The following LAMA2 variants were observed in gnomAD, a reference collection of about 807,000 sequenced individuals.
LAMA2 encodes laminin subunit alpha 2, also known as laminin subunit alpha-2.
Under a neutral mutation model 364.8 loss-of-function variants are expected in LAMA2, and 269 were observed. The ratio of observed to expected loss-of-function variants is 0.74; its 90% CI spans 0.67 to 0.82. The LOEUF (loss-of-function observed/expected upper bound fraction) is 0.82. Ranked by LOEUF, LAMA2 falls within the 40% of genes least tolerant of loss-of-function variation. The pLI is 0.00. For missense variants in LAMA2, 3,807 were observed against 3,873.2 expected, an observed-to-expected ratio of 0.98 and a Z score of 0.45; for synonymous variants, 1,379 against 1,370.6, an observed-to-expected ratio of 1.01 and a Z score of -0.14.
At chr6:128,977,108 A>G (rs1297892541) in intron 1 of LAMA2, among the ~76,000 whole-genome samples, 1 of 146,732 alleles carries the variant, frequency 6.8e-6, no homozygotes, top group Non-Finnish European at 1.5e-5. Context: ...AGAACTTCGC[A>G]TTGCTACATT....
At chr6:129,047,150 T>C (rs1787574216) in intron 1 of LAMA2, among the ~76,000 whole-genome samples, 1 of 152,048 alleles carries the variant, frequency 6.6e-6, no homozygotes, top group African/African-American at 2.4e-5. Flanking sequence ...CGTCACAAAA[T>C]TGTTAGGAAG....
In LAMA2 at chr6:129,441,038, C is replaced by T. The variant is rs752489693; in HGVS notation, c.6268+40C>T. On this transcript the variant is annotated intron_variant, in intron 43 of 64. Transcript: ENST00000421865. ...TTCATTGTGATGATGTCATTTATTT[C>T]CTCTCACTGTAAAAGTATCCCAGAC... 8 of 1,545,624 alleles carry T rather than the reference C, an allele frequency of 5.2e-6. No homozygotes were observed. In the South Asian group the frequency reaches 7.8e-5, roughly 15 times the overall value.
intron 1 of LAMA2, among the ~76,000 whole-genome samples, chr6:128,970,380 A>G (rs965995076): frequency 6.6e-6 from 1 of 152,182 alleles, no homozygotes; most frequent in African/African-American, 2.4e-5. Flanking sequence ...GTCACTTTTA[A>G]TAATTTTGTT....
At position 129,450,092 on chromosome 6, in the gene LAMA2, C is replaced by T. The variant is rs77432719; in HGVS notation, c.6430-2896C>T. Reference sequence around the variant, plus strand: ...GTTCTGGGATTACAGGCGTGAGCCACTGCACCCGGCTCTGTCTGTTACACT... The same window carrying T: ...GTTCTGGGATTACAGGCGTGAGCCATTGCACCCGGCTCTGTCTGTTACACT... On this transcript the variant is annotated intron_variant, in intron 45 of 64. Transcript: ENST00000421865. Among the ~76,000 whole-genome samples the T allele has an allele frequency of 0.014, 2,122 of 151,788 alleles. 113 individuals are homozygous for T. The East Asian group carries it at 0.19, about 13-fold the overall frequency.
At chr6:128,896,191 T>G (rs2114399859) in intron 1 of LAMA2, among the ~76,000 whole-genome samples, 1 of 152,210 alleles carries the variant, frequency 6.6e-6, no homozygotes, top group African/African-American at 2.4e-5. Context: ...ATGACTAAAT[T>G]TTTGAGGTTT....
rs952009364 is a variant in LAMA2 at position 129,453,187 on chromosome 6, A to C, written c.6573+56A>C. On this transcript the variant is annotated intron_variant, in intron 46 of 64. Coordinates refer to ENST00000421865, the MANE Select transcript of LAMA2 (RefSeq NM_000426.4). ...TGCTGTATGTGTATAGCTAGAGGTTAATCTGAAAATGTATAGAATCCCCAA... is the reference window on the plus strand; with the variant it reads ...TGCTGTATGTGTATAGCTAGAGGTTCATCTGAAAATGTATAGAATCCCCAA... 1.1e-5 allele frequency: 17 copies of C among 1,495,276 alleles called. No individual in the cohort carries two copies. The African/African-American group carries it at 2.3e-4, about 21-fold the overall frequency. The allele number at this position is 1,495,276 out of a possible 1,614,324, so 92.6% of individuals were successfully genotyped here.
chr6:129,308,080 C>T (rs1773989613), intron 22 of LAMA2, among the ~76,000 whole-genome samples: 1 of 152,154 alleles, frequency 6.6e-6, no homozygotes, highest in African/African-American at 2.4e-5. Flanking sequence ...GATGATTCTT[C>T]AAGGAAGTTC....
intron 1 of LAMA2, among the ~76,000 whole-genome samples, chr6:128,937,149 A>G (rs1027549100): frequency 6.6e-6 from 1 of 152,220 alleles, no homozygotes; most frequent in Non-Finnish European, 1.5e-5. Flanking sequence ...AGCATAAGTG[A>G]GAATACTATA....
intron 12 of LAMA2, among the ~76,000 whole-genome samples, chr6:129,222,263 T>C (rs1270104521): frequency 6.6e-6 from 1 of 152,120 alleles, no homozygotes; most frequent in Non-Finnish European, 1.5e-5. Context: ...AGTCTTCTCA[T>C]CTTTAAAATG....
At chr6:129,373,274 A>T (rs987504377) in intron 34 of LAMA2, among the ~76,000 whole-genome samples, 55 of 152,226 alleles carry the variant, frequency 3.6e-4, no homozygotes, top group African/African-American at 1.3e-3. Flanking sequence ...TGCATTTTAC[A>T]CTTAGGTCTA....
chr6:129,212,344 A>G (rs973679477), intron 12 of LAMA2, among the ~76,000 whole-genome samples: 2 of 152,186 alleles, frequency 1.3e-5, no homozygotes, highest in Non-Finnish European at 2.9e-5. Flanking sequence ...TTTGTGTGAG[A>G]TGGTTTTCAC....
At chr6:129,051,877 A>C (rs898587815) in intron 2 of LAMA2, among the ~76,000 whole-genome samples, 14 of 151,874 alleles carry the variant, frequency 9.2e-5, no homozygotes, top group Non-Finnish European at 1.8e-4. Flanking sequence ...GCCCAGGGGC[A>C]TGAACGGAGT....
chr6:128,916,861 T>C (rs1276702473), intron 1 of LAMA2, among the ~76,000 whole-genome samples: 2 of 152,180 alleles, frequency 1.3e-5, no homozygotes, highest in Admixed American at 6.5e-5. Flanking sequence ...TTTCCACTGT[T>C]TTAACTGGAA....
At position 129,252,263 on chromosome 6, in the gene LAMA2, C is replaced by A; in HGVS notation, c.2064C>A (p.Ile688=). Residue 688 remains isoleucine (I), a synonymous_variant, in exon 14 of 65, where the codon ATC becomes ATA. Coordinates refer to ENST00000421865, the MANE Select transcript of LAMA2 (RefSeq NM_000426.4). Reference sequence around the variant, plus strand: ...ATTTGAAGAGAGTCCTCCTACAAATCACATACAGCTTTGGGATGGATGCCA... The same window carrying A: ...ATTTGAAGAGAGTCCTCCTACAAATAACATACAGCTTTGGGATGGATGCCA... The part of the protein sequence containing the change: ...LANLKRVLLQ[I]TYSFGMDAIF... The A allele has an allele frequency of 6.2e-7, 1 of 1,613,770 alleles. No homozygotes were observed. The highest frequency in any genetic ancestry group is 8.5e-7 in the Non-Finnish European group (1 of 1,179,740).
chr6:129,049,276 C>T lies in LAMA2; in HGVS notation c.113-642C>T, dbSNP rs182994313. Reference sequence around the variant, plus strand: ...AGATCGTATCTATGAAAGTTAAAAACTTCTATTATATCTAAGACATAATTA... The same window carrying T: ...AGATCGTATCTATGAAAGTTAAAAATTTCTATTATATCTAAGACATAATTA... On this transcript the variant is annotated intron_variant, in intron 1 of 64. Coordinates refer to ENST00000421865, the MANE Select transcript of LAMA2 (RefSeq NM_000426.4). Among the ~76,000 whole-genome samples the T allele has an allele frequency of 5.7e-3, 860 of 152,210 alleles. 24 individuals are homozygous for T. Among genetic ancestry groups the T allele is most frequent in the Non-Finnish European group, 2.2e-3 (148 of 67,998 alleles).
At chr6:129,495,411 G>T (rs898220168) in intron 58 of LAMA2, among the ~76,000 whole-genome samples, 1 of 151,916 alleles carries the variant, frequency 6.6e-6, no homozygotes, top group Non-Finnish European at 1.5e-5. Flanking sequence ...TCATAATATG[G>T]CACCTACTGC....
chr6:129,205,493 T>TGTACACAC (rs1554244077), intron 12 of LAMA2, among the ~76,000 whole-genome samples: 1 of 104,274 alleles, frequency 9.6e-6, no homozygotes, highest in Non-Finnish European at 1.8e-5. Context: ...TATATATATA[T>TGTACACAC]ACACACACAC....
At chr6:128,963,297 G>T (rs1045020244) in intron 1 of LAMA2, among the ~76,000 whole-genome samples, 20 of 152,060 alleles carry the variant, frequency 1.3e-4, no homozygotes, top group African/African-American at 4.6e-4. Context: ...GGTGCATGTT[G>T]GAGACAAATG....
At chr6:128,964,091 AAG>A (rs1382601309) in intron 1 of LAMA2, among the ~76,000 whole-genome samples, 1 of 152,114 alleles carries the variant, frequency 6.6e-6, no homozygotes, top group Non-Finnish European at 1.5e-5. Flanking sequence ...AGTTGTAAGA[AAG>A]AGAAATCATT....
Sources: allele counts gnomAD v4.1 joint callset (sites outside exome capture counted in the v4.1 genomes callset), GRCh38; gene constraint gnomAD v4.1.1; transcripts MANE v1.5; gene names NCBI Gene and HGNC (gene_info 2026-07-23, HGNC 2026-07-21).